CEPT1: variants seen among roughly 807,000 people sequenced by gnomAD.
CEPT1 encodes choline/ethanolaminephosphotransferase 1.
CEPT1 carries 7 observed loss-of-function variants against 42.6 expected under a neutral mutation model. That is an observed-to-expected ratio of 0.16 (90% CI 0.09 to 0.31). The LOEUF (loss-of-function observed/expected upper bound fraction) is 0.31, where lower values mean the gene tolerates loss of function less well. Ranked by LOEUF, CEPT1 falls within the 10% of genes least tolerant of loss-of-function variation. The pLI, the probability that CEPT1 is intolerant of heterozygous loss-of-function variation, is 1.00. For synonymous variants in CEPT1, 171 were observed against 171.9 expected, an observed-to-expected ratio of 0.99 and a Z score of 0.04; for missense variants, 306 against 502.1, an observed-to-expected ratio of 0.61 and a Z score of 3.73.
chr1:111,158,346 TC>T (rs1206006174), intron 2 of CEPT1, among the ~76,000 whole-genome samples: 3 of 150,078 alleles, frequency 2.0e-5, no homozygotes, highest in Non-Finnish European at 4.5e-5. Context: ...AGAGCAAGAC[TC>T]CATCTCAAAT....
intron 2 of CEPT1, among the ~76,000 whole-genome samples, chr1:111,156,785 G>GTA (rs952561062): frequency 2.6e-5 from 4 of 152,030 alleles, no homozygotes; most frequent in Middle Eastern, 3.4e-3. Flanking sequence ...GTACTAGCAT[G>GTA]TATATATATA....
chr1:111,149,563 C>T (rs916473910), intron 2 of CEPT1, among the ~76,000 whole-genome samples: 1 of 152,176 alleles, frequency 6.6e-6, no homozygotes. Context: ...CCCAGCTCCC[C>T]TCCTCTTTTT....
At chr1:111,178,226 C>G (rs1386603743) in intron 5 of CEPT1, 1 of 152,180 alleles carries the variant, frequency 6.6e-6, no homozygotes. Context: ...AAATTGCCTT[C>G]CAAATCCTCA....
chr1:111,144,141 G>A (rs940682896), intron 1 of CEPT1, among the ~76,000 whole-genome samples: 2 of 152,066 alleles, frequency 1.3e-5, no homozygotes, highest in East Asian at 1.9e-4. Context: ...TACCCTATGC[G>A]GCTCCATTGA....
chr1:111,181,675 C>G (rs528798861), intron 5 of CEPT1: 8 of 152,282 alleles, frequency 5.3e-5, no homozygotes, highest in Admixed American at 3.9e-4. Flanking sequence ...GAGTTGGGAA[C>G]TCTTCTGAAT....
At chr1:111,145,518 A>G (rs1654910685) in intron 1 of CEPT1, among the ~76,000 whole-genome samples, 4 of 152,308 alleles carry the variant, frequency 2.6e-5, no homozygotes, top group Admixed American at 2.0e-4. Flanking sequence ...ATTTATAGGG[A>G]TATAGGAAAA....
chr1:111,139,959 C>G (rs1351058026), upstream of CEPT1: 1 of 152,454 alleles, frequency 6.6e-6, no homozygotes, highest in Non-Finnish European at 1.5e-5. Flanking sequence ...GCTGCCAGAT[C>G]CCACCCTCTG....
rs1655037414 is a variant in CEPT1 at position 111,147,549 on chromosome 1, A to G, written c.-73-93A>G. 4 of 517,810 alleles carry G rather than the reference A, an allele frequency of 7.7e-6. No homozygotes were observed. The South Asian group carries it at 1.3e-4, about 17-fold the overall frequency. 32.1% of individuals were successfully genotyped at this position (517,810 alleles called of 1,614,324 possible). ...TACTTACTACTTTATTGACAATTTG[A>G]TTTTTTGTTTCCTAATTTGTTAATA... On this transcript the variant is annotated intron_variant, in intron 1 of 8. Transcript: ENST00000357172.
Position 111,150,133 on chromosome 1 carries a change from T to C in CEPT1, c.339+2080T>C, listed in dbSNP as rs528398579. Among the ~76,000 whole-genome samples, 87 of 152,328 alleles carry C rather than the reference T, an allele frequency of 5.7e-4. 1 individual carries two copies. Among genetic ancestry groups the C allele is most frequent in the Non-Finnish European group, 1.1e-3 (75 of 68,022 alleles). On this transcript the variant is annotated intron_variant, in intron 2 of 8. Transcript: ENST00000357172. ...CTACAATGGAGATGCCTGGATGCAT[T>C]TTTAGCTACGAGGTAGCTATCCTTA...
In CEPT1 at chr1:111,148,006, T is replaced by G. The variant is rs747096505; in HGVS notation, c.292T>G (p.Cys98Gly). ...ITIIGLSINI[C>G]TTILLVFYCP... The stretch of plus-strand genomic sequence containing the variant: ...CATCATTGGACTGTCAATAAACATC[T>G]GTACAACTATTTTATTAGTCTTCTA... The change falls in exon 2 of 9, where the codon TGT (cysteine) becomes GGT (glycine). Residue 98 changes from cysteine (C) to glycine (G), a missense_variant. Coordinates refer to ENST00000357172, the MANE Select transcript of CEPT1 (RefSeq NM_006090.5). 59 of 1,614,080 alleles carry G rather than the reference T, an allele frequency of 3.7e-5. No homozygotes were observed. Among genetic ancestry groups the G allele is most frequent in the Admixed American group, 1.7e-4 (10 of 60,004 alleles).
intron 2 of CEPT1, among the ~76,000 whole-genome samples, chr1:111,153,354 A>G (rs554005841): frequency 1.3e-5 from 2 of 152,250 alleles, no homozygotes; most frequent in East Asian, 1.9e-4. Flanking sequence ...CATTACAGGC[A>G]TACACCGCCA....
Position 111,141,610 on chromosome 1 carries a change from T to G in CEPT1, c.-74+1303T>G, listed in dbSNP as rs139766881. ...TGATTTTTATGTTGTGTGTGTGTGT[T>G]TTTTTAAGGGGGAAGAAAGTGATTT... On this transcript the variant is annotated intron_variant, in intron 1 of 8. Transcript: ENST00000357172. 3.3e-3 allele frequency among the ~76,000 whole-genome samples: 502 copies of G among 152,248 alleles called. 3 individuals carry two copies. The highest frequency in any genetic ancestry group is 0.017 in the Middle Eastern group (5 of 294).
At chr1:111,166,111 A>G (rs1297115475) in intron 4 of CEPT1, among the ~76,000 whole-genome samples, 1 of 152,062 alleles carries the variant, frequency 6.6e-6, no homozygotes, top group Non-Finnish European at 1.5e-5. Flanking sequence ...TTTTTCAGCA[A>G]TGATTTGTTC....
At chr1:111,163,674 TG>T (rs1655988076) in intron 4 of CEPT1, among the ~76,000 whole-genome samples, 1 of 151,520 alleles carries the variant, frequency 6.6e-6, no homozygotes. Flanking sequence ...AACAATGTAA[TG>T]GAGGCATATA....
chr1:111,161,392 A>G, intron 4 of CEPT1, 96 bp downstream of exon 4: 1 of 1,134,922 alleles, frequency 8.8e-7, no homozygotes, highest in Non-Finnish European at 1.2e-6. Context: ...TCAAATCACT[A>G]AGTTAGTTTA....
intron 7 of CEPT1, 28 bp downstream of exon 7, chr1:111,182,985 G>A: frequency 6.3e-7 from 1 of 1,594,092 alleles, no homozygotes; most frequent in South Asian, 1.1e-5. Flanking sequence ...TATTTGCTGT[G>A]TTTTTCACTT....
intron 4 of CEPT1, chr1:111,167,154 C>A: frequency 1.0e-6 from 1 of 985,168 alleles, no homozygotes; most frequent in Non-Finnish European, 1.2e-6. Flanking sequence ...GCCAGCTTCT[C>A]ACAGGAACCC....
intron 4 of CEPT1, among the ~76,000 whole-genome samples, chr1:111,169,448 C>CGATAT (rs1461696365): frequency 6.6e-6 from 1 of 152,012 alleles, no homozygotes; most frequent in Non-Finnish European, 1.5e-5. Context: ...ACAAAGTACC[C>CGATAT]GATATCTACT....
rs1473996647 is a variant in CEPT1, at chr1:111,147,760, C to G, written c.46C>G (p.Pro16Ala). 3 of 1,613,548 alleles carry G rather than the reference C, an allele frequency of 1.9e-6. No homozygotes were observed. The East Asian group carries it at 6.7e-5, about 36-fold the overall frequency. Residue 16 changes from proline to alanine, a missense_variant, in exon 2 of 9, where the codon CCG (proline) becomes GCG (alanine). By Grantham distance (27) the Pro-to-Ala change is conservative. Transcript: ENST00000357172. ...STRKRCGDSH[P>A]ESPVGFGHMS... ...AAGGAAAAGATGTGGAGATTCTCAC[C>G]CGGAGTCCCCAGTGGGCTTCGGGCA...
Sources: allele counts gnomAD v4.1 joint callset (sites outside exome capture counted in the v4.1 genomes callset), GRCh38; gene constraint gnomAD v4.1.1; transcripts MANE v1.5; gene names NCBI Gene and HGNC (gene_info 2026-07-23, HGNC 2026-07-21).